Variants in ACTR3B observed in about 807,000 individuals in gnomAD.
ACTR3B encodes actin-related protein 3B.
A neutral mutation model predicts 59.0 loss-of-function variants in ACTR3B; 8 were observed. The observed-to-expected ratio is 0.14, with a 90% confidence interval of 0.08 to 0.24. The LOEUF is 0.24. Among genes scored for constraint, ACTR3B ranks in the 10% least tolerant of loss-of-function variants. ACTR3B has a pLI of 1.00. For synonymous variants in ACTR3B, 148 were observed against 197.9 expected (o/e 0.75, Z 2.12); for missense variants, 245 against 552.3 (o/e 0.44, Z 5.58).
chr7:152,816,631 C>T (rs1317240859), intron 6 of ACTR3B, 43 bp downstream of exon 6: 18 of 1,506,468 alleles, frequency 1.2e-5, no homozygotes, highest in South Asian at 1.3e-5. Flanking sequence ...AGGCTTAACA[C>T]CTGATTCGAG....
In ACTR3B at chr7:152,853,592, C is replaced by T. The variant is rs376816397; in HGVS notation, c.1161+15C>T. 88 of 1,608,136 alleles carry T rather than the reference C, an allele frequency of 5.5e-5. No homozygotes were observed. In the Middle Eastern group the frequency reaches 6.6e-4, roughly 12 times the overall value. ...TGGCCTCGACTGTAAGTCCCTCTCT[C>T]GAGGGCTCTGTGTCTCCATTCCTGT... On this transcript the variant is annotated intron_variant, in intron 11 of 11. Transcript: ENST00000256001.
intron 6 of ACTR3B, among the ~76,000 whole-genome samples, chr7:152,818,954 T>C (rs1029326282): frequency 1.3e-5 from 2 of 152,250 alleles, no homozygotes; most frequent in African/African-American, 4.8e-5. Context: ...ATAATTTATT[T>C]TTCTGTTGTT....
At chr7:152,825,640 A>G (rs1455990139) in intron 9 of ACTR3B, among the ~76,000 whole-genome samples, 1 of 152,142 alleles carries the variant, frequency 6.6e-6, no homozygotes, top group Non-Finnish European at 1.5e-5. Context: ...TCAGTATTGT[A>G]AATATATTTT....
chr7:152,769,726 CTG>C (rs2116521133), intron 1 of ACTR3B, among the ~76,000 whole-genome samples: 1 of 152,048 alleles, frequency 6.6e-6, no homozygotes, highest in East Asian at 1.9e-4. Context: ...TTAGGGCAGA[CTG>C]TATTTTTGTC....
In ACTR3B at chr7:152,804,818, T is replaced by C. The variant is rs566798191; in HGVS notation, c.336+3087T>C. On this transcript the variant is annotated intron_variant, in intron 4 of 11. Transcript: ENST00000256001. ...ACAGTATGGTGTGTGGAAGCACGCA[T>C]TGTTTGTTAGGTTGCCCTCAGTCCA... 1.1e-4 allele frequency among the ~76,000 whole-genome samples: 16 copies of C among 152,274 alleles called. 1 individual carries two copies. In the South Asian group the frequency reaches 3.3e-3, roughly 32 times the overall value.
chr7:152,824,940 A>C lies in ACTR3B; in HGVS notation c.859-90A>C. 1 of 1,317,112 alleles carries C rather than the reference A, an allele frequency of 7.6e-7. No homozygotes were observed. Among genetic ancestry groups the C allele is most frequent in the Non-Finnish European group, 1.0e-6 (1 of 963,458 alleles). 81.6% of individuals were successfully genotyped at this position (1,317,112 alleles called of 1,614,324 possible). Reference sequence around the variant, plus strand: ...ATTCTTTTAAGTTATAATAAATTGTATATTTGTTAAAGTTACTTTAAAGAA... The same window carrying C: ...ATTCTTTTAAGTTATAATAAATTGTCTATTTGTTAAAGTTACTTTAAAGAA... On this transcript the variant is annotated intron_variant, in intron 8 of 11. Coordinates refer to ENST00000256001, the MANE Select transcript of ACTR3B (RefSeq NM_020445.6). The surrounding 1 kb of genome is among the most constrained non-coding windows in gnomAD (Gnocchi z 4.2).
At chr7:152,801,285 G>T (rs908003852) in intron 3 of ACTR3B, among the ~76,000 whole-genome samples, 3 of 152,122 alleles carry the variant, frequency 2.0e-5, no homozygotes, top group Admixed American at 1.3e-4. Flanking sequence ...TTGCTATGTT[G>T]CCCTGGCTGG....
intron 9 of ACTR3B, among the ~76,000 whole-genome samples, chr7:152,835,467 G>A (rs1797373520): frequency 1.3e-5 from 2 of 152,172 alleles, no homozygotes; most frequent in South Asian, 4.1e-4. Flanking sequence ...CTGTATTATG[G>A]TTTAAGTGTA....
intron 3 of ACTR3B, 77 bp from the exon 4 acceptor site, chr7:152,801,544 T>C: frequency 3.2e-6 from 5 of 1,564,090 alleles, no homozygotes; most frequent in Non-Finnish European, 4.3e-6. Flanking sequence ...TAACACAGTT[T>C]CTTCTGTGCC....
chr7:152,803,858 A>G (rs185156424), intron 4 of ACTR3B, among the ~76,000 whole-genome samples: 19 of 152,354 alleles, frequency 1.2e-4, no homozygotes, highest in African/African-American at 4.3e-4. Context: ...TCTGCAAGTC[A>G]TTCTGTTGCA....
At chr7:152,833,573 G>T (rs1289914775) in intron 9 of ACTR3B, among the ~76,000 whole-genome samples, 1 of 152,210 alleles carries the variant, frequency 6.6e-6, no homozygotes, top group African/African-American at 2.4e-5. Context: ...TACAGAGGAT[G>T]GCTGATAGGT....
intron 4 of ACTR3B, chr7:152,813,509 T>C (rs554440166): frequency 1.0e-4 from 15 of 149,742 alleles, no homozygotes; most frequent in African/African-American, 3.6e-4. Flanking sequence ...TTATCTGCTT[T>C]GTTTCAATAT....
intron 6 of ACTR3B, among the ~76,000 whole-genome samples, chr7:152,818,456 CTT>C (rs11295800): frequency 1.3e-5 from 2 of 150,542 alleles, no homozygotes; most frequent in Non-Finnish European, 1.5e-5. Flanking sequence ...AGCTCTTTTT[CTT>C]TTTTTTTTGG....
At chr7:152,807,819 A>G (rs1277516993) in intron 4 of ACTR3B, among the ~76,000 whole-genome samples, 15 of 151,596 alleles carry the variant, frequency 9.9e-5, no homozygotes, top group Admixed American at 7.9e-4. Context: ...TCGTTGTTTT[A>G]TTGCTTTTCT....
chr7:152,852,831 G>A (rs570336439), intron 10 of ACTR3B, among the ~76,000 whole-genome samples: 58 of 151,808 alleles, frequency 3.8e-4, no homozygotes, highest in African/African-American at 1.0e-3. Flanking sequence ...TCTCTCTGTC[G>A]CCCAGGCTGG....
At chr7:152,777,106 A>G (rs1485195556) in intron 1 of ACTR3B, among the ~76,000 whole-genome samples, 1 of 152,180 alleles carries the variant, frequency 6.6e-6, no homozygotes, top group African/African-American at 2.4e-5. Flanking sequence ...CTAATAGGGT[A>G]TGTGCATTAA....
At chr7:152,847,442 G>A (rs969430229) in intron 9 of ACTR3B, among the ~76,000 whole-genome samples, 1 of 152,158 alleles carries the variant, frequency 6.6e-6, no homozygotes, top group African/African-American at 2.4e-5. Context: ...TCATAAACTC[G>A]TTGAACAATT....
rs1277306011 is a variant in ACTR3B at position 152,855,132 on chromosome 7, ATAAAACAGCAAACT to A, written c.*581_*594del. 3 of 152,626 alleles carry A rather than the reference ATAAAACAGCAAACT, an allele frequency of 2.0e-5. No homozygotes were observed. Among genetic ancestry groups the A allele is most frequent in the African/African-American group, 7.2e-5 (3 of 41,466 alleles). The allele number at this position is 152,626 out of a possible 1,614,324, so 9.5% of individuals were successfully genotyped here. A position where few individuals can be genotyped will look rare whatever the true frequency, so the allele number is the denominator to read the frequency against. ...TTCTGATATGTTTATAGGCAAACAA[ATAAAACAGCAAACT>A]TTTTTGCCACATGTTTGCTAGAAAA... is the stretch of plus-strand genomic sequence containing the variant. On this transcript the variant is annotated 3_prime_UTR_variant, in exon 12 of 12. Coordinates refer to ENST00000256001, the MANE Select transcript of ACTR3B (RefSeq NM_020445.6).
At chr7:152,768,557 A>G (rs1199356762) in intron 1 of ACTR3B, among the ~76,000 whole-genome samples, 1 of 151,638 alleles carries the variant, frequency 6.6e-6, no homozygotes, top group South Asian at 2.1e-4. Flanking sequence ...GCTCACTGCA[A>G]CCTCCACCTC....
Sources: allele counts gnomAD v4.1 joint callset (sites outside exome capture counted in the v4.1 genomes callset), GRCh38; gene constraint gnomAD v4.1.1; non-coding constraint Gnocchi (gnomAD v3.1); transcripts MANE v1.5; gene names NCBI Gene and HGNC (gene_info 2026-07-23, HGNC 2026-07-21).